The following PZP variants were observed in gnomAD, a reference collection of about 807,000 sequenced individuals.
PZP encodes pregnancy zone protein.
PZP carries 150 observed loss-of-function variants against 179.8 expected under a neutral mutation model. The ratio of observed to expected loss-of-function variants is 0.83; its 90% CI spans 0.73 to 0.96. The LOEUF is 0.96. PZP is among the 40% of genes least tolerant of loss of function. The pLI, the probability that PZP is intolerant of heterozygous loss-of-function variation, is 0.00. For missense variants in PZP, 1,689 were observed against 1,764.0 expected (o/e 0.96, Z 0.76); for synonymous variants, 624 against 652.3 (o/e 0.96, Z 0.66).
Position 9,151,654 on chromosome 12 carries a change from CAGAG to C in PZP, c.4227_4230del (p.Ser1409ArgfsTer2). On this transcript the variant is annotated frameshift_variant, in exon 33 of 36. Transcript: ENST00000261336. LOFTEE classifies it high-confidence loss of function. ...TTGTTGCTCACTTCTGTCCGGCTCACAGAGCTAGATCTTTCAAGCTGGAGAGAAT... is the reference window on the plus strand; with the variant it reads ...TTGTTGCTCACTTCTGTCCGGCTCACCTAGATCTTTCAAGCTGGAGAGAAT... 1 of 1,613,770 alleles carries C rather than the reference CAGAG, an allele frequency of 6.2e-7. No homozygotes were observed. Among genetic ancestry groups the C allele is most frequent in the Non-Finnish European group, 8.5e-7 (1 of 1,179,824 alleles).
Position 9,156,260 on chromosome 12 carries a change from C to T in PZP, c.3550+915G>A, listed in dbSNP as rs1481178465. The T allele has an allele frequency of 3.4e-5, 7 of 207,542 alleles. No homozygotes were observed. The East Asian group carries it at 7.9e-4, about 23-fold the overall frequency. 12.9% of individuals were successfully genotyped at this position (207,542 alleles called of 1,614,324 possible). On this transcript the variant is annotated intron_variant, in intron 28 of 35. Coordinates refer to ENST00000261336, the MANE Select transcript of PZP (RefSeq NM_002864.3). ...GATTACTCTGCTTCCAGTACCTTCG[C>T]TTTGGGAAACTTCAGTGAAGGCATC...
Position 9,194,076 on chromosome 12 carries a change from CCCGGACA to C in PZP, c.1248_1254del (p.Phe416LeufsTer16). ...TCAGAGATTTGTCTTTCTATACTTA[CCCGGACA>C]AAAAGTTTATTAACCGAGATACTGG... On this transcript the variant is annotated frameshift_variant and splice_region_variant, in exon 11 of 36. Coordinates refer to ENST00000261336, the MANE Select transcript of PZP (RefSeq NM_002864.3). LOFTEE classifies it high-confidence loss of function. 1.2e-6 allele frequency: 2 copies of C among 1,611,896 alleles called. No individual in the cohort carries two copies. Among genetic ancestry groups the C allele is most frequent in the African/African-American group, 2.7e-5 (2 of 74,958 alleles).
chr12:9,167,132 T>C (rs781109672), intron 17 of PZP: 2 of 152,356 alleles, frequency 1.3e-5, no homozygotes, highest in African/African-American at 4.8e-5. Context: ...TTCTCACTGT[T>C]TTGTCTTCTC....
At chr12:9,201,401 A>G in intron 4 of PZP, 54 bp from the exon 5 acceptor site, 1 of 1,404,344 alleles carries the variant, frequency 7.1e-7, no homozygotes, top group Non-Finnish European at 9.9e-7. Flanking sequence ...AAAGGCTACA[A>G]TTTCAGACTT....
At chr12:9,185,809 C>A (rs1481225662) in intron 13 of PZP, among the ~76,000 whole-genome samples, 1 of 149,472 alleles carries the variant, frequency 6.7e-6, no homozygotes, top group Non-Finnish European at 1.5e-5. Context: ...CTTTTCTTTT[C>A]TTTTCTTTTT....
intron 10 of PZP, among the ~76,000 whole-genome samples, chr12:9,195,418 T>TTTTCCTTCTTTTCCTTTTCCTTCCCC (rs1943714222): frequency 2.0e-5 from 3 of 148,974 alleles, no homozygotes; most frequent in Non-Finnish European, 4.5e-5. Flanking sequence ...CCCTTCCCCT[T>TTTTCCTTCTTTTCCTTTTCCTTCCCC]TTTCCTTCTT....
intron 7 of PZP, among the ~76,000 whole-genome samples, chr12:9,197,369 T>A (rs1442786161): frequency 7.0e-6 from 1 of 142,782 alleles, no homozygotes; most frequent in Non-Finnish European, 1.5e-5. Context: ...ATAAATATTT[T>A]TATATATTTA....
chr12:9,165,426 T>A (rs2120742183), intron 18 of PZP, 59 bp from the exon 19 acceptor site: 1 of 1,584,312 alleles, frequency 6.3e-7, no homozygotes, highest in East Asian at 2.2e-5. Flanking sequence ...TTTTCTCAAG[T>A]GAGAATTAAT....
intron 13 of PZP, 55 bp from the exon 14 acceptor site, chr12:9,182,172 A>AAGTGAGAC (rs373987823): frequency 3.2e-5 from 50 of 1,542,650 alleles, no homozygotes; most frequent in Admixed American, 9.3e-5. Flanking sequence ...AAAAGGTCAT[A>AAGTGAGAC]AAAATAGTGT....
At chr12:9,141,726 T>C in the PZP span, among the ~76,000 whole-genome samples, 1 of 152,208 alleles carries the variant, frequency 6.6e-6, no homozygotes, top group East Asian at 1.9e-4. Context: ...TGTAAACTGT[T>C]TTTTCAATAG....
At chr12:9,188,108 T>C (rs11049330) in intron 13 of PZP, among the ~76,000 whole-genome samples, 131,815 of 152,090 alleles carry the variant, frequency 0.87, 57,825 homozygotes, top group East Asian at 0.98. Flanking sequence ...TGATGAACAT[T>C]GATGCGAAAA....
chr12:9,181,231 G>A, intron 14 of PZP, 99 bp from the exon 15 acceptor site: 1 of 1,443,494 alleles, frequency 6.9e-7, no homozygotes, highest in Non-Finnish European at 9.5e-7. Flanking sequence ...CAGTTCATAT[G>A]ACTATGTTGG....
chr12:9,144,704 G>T (rs1456085338), downstream of PZP, among the ~76,000 whole-genome samples: 3 of 152,192 alleles, frequency 2.0e-5, no homozygotes, highest in East Asian at 1.9e-4. Context: ...GAATGTTTCT[G>T]TGTGGAGGAG....
At chr12:9,206,732 C>T (rs114592549) in intron 1 of PZP, among the ~76,000 whole-genome samples, 74 of 152,066 alleles carry the variant, frequency 4.9e-4, no homozygotes, top group African/African-American at 1.7e-3. Flanking sequence ...GGAGAAAACA[C>T]CCCTTCTGCT....
intron 13 of PZP, among the ~76,000 whole-genome samples, chr12:9,184,221 C>A (rs1942956213): frequency 6.6e-6 from 1 of 152,322 alleles, no homozygotes; most frequent in South Asian, 2.1e-4. Context: ...CCACTGACAT[C>A]AGAGCATTGG....
downstream of PZP, among the ~76,000 whole-genome samples, chr12:9,145,459 T>G (rs1246636000): frequency 6.6e-6 from 1 of 152,234 alleles, no homozygotes; most frequent in Non-Finnish European, 1.5e-5. Flanking sequence ...CTTTATCATC[T>G]GTCCCTACAC....
rs1461679867 is a variant in PZP at position 9,208,367 on chromosome 12, G to A, written c.-26C>T. The A allele has an allele frequency of 1.3e-6, 2 of 1,587,746 alleles. No homozygotes were observed. The highest frequency in any genetic ancestry group is 1.3e-5 in the African/African-American group (1 of 74,432). On this transcript the variant is annotated 5_prime_UTR_variant, in exon 1 of 36. Transcript: ENST00000261336. ...TGTGAGGGATAAATCTCAGGGTTGT[G>A]TCCAACTCTCTGCCCTCAGCCTCGC...
chr12:9,189,772 A>G (rs1463727309), intron 13 of PZP, among the ~76,000 whole-genome samples: 2 of 152,240 alleles, frequency 1.3e-5, no homozygotes, highest in Non-Finnish European at 2.9e-5. Flanking sequence ...TAGCATCTGT[A>G]TAGAATTTAA....
chr12:9,176,826 G>A (rs1450633155), intron 15 of PZP, among the ~76,000 whole-genome samples: 2 of 152,204 alleles, frequency 1.3e-5, no homozygotes, highest in African/African-American at 4.8e-5. Flanking sequence ...TGTTAAGTGT[G>A]TGGGGCCAAA....
Sources: gnomAD v4.1 joint callset for allele counts (sites outside exome capture counted in the v4.1 genomes callset) on GRCh38, gnomAD v4.1.1 for gene constraint, MANE v1.5 for transcripts, NCBI Gene and HGNC (gene_info 2026-07-23, HGNC 2026-07-21) for gene names.